The following WSB2 variants were observed in gnomAD, a reference collection of about 807,000 sequenced individuals.
WSB2 encodes the protein WD repeat and SOCS box-containing protein 2.
Under a neutral mutation model 48.8 loss-of-function variants are expected in WSB2, and 12 were observed. The observed-to-expected ratio is 0.25, with a 90% confidence interval of 0.16 to 0.40. The LOEUF is 0.40. Ranked by LOEUF, WSB2 falls within the 10% of genes least tolerant of loss-of-function variation. WSB2 has a pLI of 1.00. For synonymous variants in WSB2, 191 were observed against 203.1 expected (o/e 0.94, Z 0.51); for missense variants, 317 against 506.2 (o/e 0.63, Z 3.59).
At chr12:118,052,565 A>G (rs2031875513) in intron 1 of WSB2, 87 bp from the exon 2 acceptor site, 2 of 1,571,940 alleles carry the variant, frequency 1.3e-6, no homozygotes, top group Admixed American at 1.8e-5. Context: ...TCCCTGTGGC[A>G]AAGAGCCACA....
At chr12:118,052,966 T>C (rs943788688) in intron 1 of WSB2, among the ~76,000 whole-genome samples, 1 of 152,172 alleles carries the variant, frequency 6.6e-6, no homozygotes, top group Non-Finnish European at 1.5e-5. Context: ...GCCCTTGCCC[T>C]GCTTCCTCAC....
At chr12:118,050,407 G>C (rs1367391993) in intron 2 of WSB2, among the ~76,000 whole-genome samples, 4 of 151,966 alleles carry the variant, frequency 2.6e-5, no homozygotes, top group Non-Finnish European at 4.4e-5. Context: ...CCAGCTACTT[G>C]GGAGGCTGAG....
At chr12:118,046,798 G>A (rs1281025523) in intron 2 of WSB2, among the ~76,000 whole-genome samples, 1 of 152,068 alleles carries the variant, frequency 6.6e-6, no homozygotes, top group Non-Finnish European at 1.5e-5. Flanking sequence ...TAAAGACAGG[G>A]TCTCTCTCTG....
Position 118,034,028 on chromosome 12 carries a change from A to G in WSB2, c.*168T>C. ...AGACTGACTTTCACATGCCAGGGAG[A>G]GAAAGATCCATGACTAGTACACTGG... On this transcript the variant is annotated 3_prime_UTR_variant, in exon 9 of 9. Coordinates refer to ENST00000315436, the MANE Select transcript of WSB2 (RefSeq NM_018639.5). 1.2e-6 allele frequency: 1 copy of G among 866,406 alleles called. No homozygotes were observed. The highest frequency in any genetic ancestry group is 1.8e-6 in the Non-Finnish European group (1 of 561,712). 53.7% of individuals were successfully genotyped at this position (866,406 alleles called of 1,614,324 possible).
intron 5 of WSB2, 41 bp from the exon 6 acceptor site, chr12:118,036,551 G>C: frequency 6.3e-7 from 1 of 1,577,002 alleles, no homozygotes; most frequent in Non-Finnish European, 8.6e-7. Flanking sequence ...CAGAAGCAAA[G>C]TGCTTAGGAC....
chr12:118,044,386 A>C (rs1448359279), intron 2 of WSB2, among the ~76,000 whole-genome samples: 4 of 152,196 alleles, frequency 2.6e-5, no homozygotes, highest in Non-Finnish European at 5.9e-5. Flanking sequence ...CTCCTGCCTG[A>C]TGAGTTCCCT....
intron 1 of WSB2, among the ~76,000 whole-genome samples, chr12:118,057,719 C>G (rs1262641986): frequency 6.6e-6 from 1 of 151,744 alleles, no homozygotes; most frequent in East Asian, 1.9e-4. Flanking sequence ...GTGGTGAGAA[C>G]ACTTAAAATC....
intron 2 of WSB2, among the ~76,000 whole-genome samples, chr12:118,048,372 G>C (rs1290191203): frequency 6.6e-6 from 1 of 151,980 alleles, no homozygotes; most frequent in African/African-American, 2.4e-5. Context: ...TAGATCCCTT[G>C]AGGCCAGGAG....
Position 118,043,080 on chromosome 12 carries a change from C to G in WSB2, c.427+53G>C, listed in dbSNP as rs559582084. On this transcript the variant is annotated intron_variant, in intron 3 of 8. Coordinates refer to ENST00000315436, the MANE Select transcript of WSB2 (RefSeq NM_018639.5). ...GAGTGGGGCAGGGAGGCGACATAGTCAGAACATGCACCCGAGCCTCCCAGA... is the reference window on the plus strand; with the variant it reads ...GAGTGGGGCAGGGAGGCGACATAGTGAGAACATGCACCCGAGCCTCCCAGA... The G allele has an allele frequency of 2.5e-4, 407 of 1,613,866 alleles. 1 individual carries two copies. In the African/African-American group the frequency reaches 4.5e-3, roughly 18 times the overall value.
upstream of WSB2, among the ~76,000 whole-genome samples, chr12:118,061,649 G>A (rs2032070205): frequency 1.3e-5 from 2 of 150,084 alleles, no homozygotes. Context: ...GATCCGGGGA[G>A]AACGGAGAGA....
At chr12:118,049,746 C>G (rs1051533583) in intron 2 of WSB2, among the ~76,000 whole-genome samples, 1 of 152,046 alleles carries the variant, frequency 6.6e-6, no homozygotes, top group African/African-American at 2.4e-5. Context: ...TGCCAGGCTT[C>G]CTTCCAAAAA....
In WSB2 at chr12:118,060,962, T is replaced by C; in HGVS notation, c.13+74A>G. The C allele has an allele frequency of 1.4e-5, 3 of 217,688 alleles. No homozygotes were observed. The highest frequency in any genetic ancestry group is 2.1e-5 in the Non-Finnish European group (3 of 141,278). The allele number at this position is 217,688 out of a possible 1,614,324, so 13.5% of individuals were successfully genotyped here. A position where few individuals can be genotyped will look rare whatever the true frequency, so the allele number is the denominator to read the frequency against. ...CCACCCCGCCCAGCCCGCCCCGGGG[T>C]CGCCTCCCCCCTCCCCGGGGAGAAC... is the stretch of plus-strand genomic sequence containing the variant. On this transcript the variant is annotated intron_variant, in intron 1 of 8. Coordinates refer to ENST00000315436, the MANE Select transcript of WSB2 (RefSeq NM_018639.5). The surrounding 1 kb of genome is among the most constrained non-coding windows in gnomAD (Gnocchi z 4.1).
intron 6 of WSB2, chr12:118,035,573 A>C (rs1298681556): frequency 2.2e-6 from 1 of 458,156 alleles, no homozygotes; most frequent in Non-Finnish European, 3.9e-6. Context: ...AAAGTAGGTC[A>C]GCCCTCACTT....
intron 2 of WSB2, among the ~76,000 whole-genome samples, chr12:118,043,612 CTTTG>C (rs1462050978): frequency 2.0e-5 from 3 of 152,106 alleles, no homozygotes; most frequent in African/African-American, 2.4e-5. Context: ...GCTCTGTTAA[CTTTG>C]TTTGTATTTT....
chr12:118,035,541 C>G (rs903397850), intron 6 of WSB2, among the ~76,000 whole-genome samples: 3 of 152,206 alleles, frequency 2.0e-5, no homozygotes, highest in African/African-American at 7.2e-5. Flanking sequence ...ACTAACACTT[C>G]CTTGTGCTAA....
upstream of WSB2, among the ~76,000 whole-genome samples, chr12:118,061,636 G>A (rs2032069782): frequency 1.3e-5 from 2 of 150,592 alleles, no homozygotes; most frequent in South Asian, 4.2e-4. Flanking sequence ...CAGGGGAAGC[G>A]GCGATCCGGG....
rs765927222 is a variant in WSB2 at position 118,036,482 on chromosome 12, G to A, written c.689C>T (p.Thr230Met). 4.8e-5 allele frequency: 77 copies of A among 1,613,800 alleles called. No individual in the cohort carries two copies. In the Admixed American group the frequency reaches 6.0e-4, roughly 13 times the overall value. Reference protein sequence around the residue: ...SVFLWSMRSYTLIRKLEGHQS... With the variant: ...SVFLWSMRSYMLIRKLEGHQS... Reference sequence around the variant, plus strand: ...ATGGCCCTCTAGCTTCCGAATTAACGTGTAGGACCTCATGCTCCATAGAAA... The same window carrying A: ...ATGGCCCTCTAGCTTCCGAATTAACATGTAGGACCTCATGCTCCATAGAAA... The change falls in exon 6 of 9, where the codon ACG (threonine) becomes ATG (methionine). Residue 230 changes from threonine to methionine, a missense_variant. Physicochemically the swap from Thr to Met is moderately conservative, Grantham distance 81 (BLOSUM62 -1). Around this residue, in one of 2 missense-constraint regions of WSB2, gnomAD observed 189 missense variants for 349.6 expected, o/e 0.54. Transcript: ENST00000315436.
At chr12:118,042,817 G>T in intron 4 of WSB2, 24 bp downstream of exon 4, 1 of 1,608,536 alleles carries the variant, frequency 6.2e-7, no homozygotes, top group Non-Finnish European at 8.5e-7. Context: ...TGGAGTTGCC[G>T]AGTAGTTCCT....
intron 1 of WSB2, among the ~76,000 whole-genome samples, chr12:118,055,443 T>A (rs1223298304): frequency 6.6e-6 from 1 of 152,112 alleles, no homozygotes; most frequent in East Asian, 1.9e-4. Context: ...ATGACCTGGA[T>A]GGCCTGGGGT....
Sources: gnomAD v4.1 joint callset for allele counts (sites outside exome capture counted in the v4.1 genomes callset) on GRCh38, gnomAD v4.1.1 for gene constraint, gnomAD v4.1.1 regional missense constraint, Gnocchi (gnomAD v3.1) non-coding constraint, MANE v1.5 for transcripts, NCBI Gene and HGNC (gene_info 2026-07-23, HGNC 2026-07-21) for gene names.